The following C10orf143 variants were observed in gnomAD, a reference collection of about 807,000 sequenced individuals.
C10orf143 encodes uncharacterized protein C10orf143.
intron 3 of C10orf143, among the ~76,000 whole-genome samples, chr10:130,037,149 T>A (rs544479886): frequency 6.6e-6 from 1 of 152,080 alleles, no homozygotes; most frequent in African/African-American, 2.4e-5. Context: ...AAAGTCTGGG[T>A]GGGGACCAAG....
At chr10:130,040,828 AAG>A in intron 3 of C10orf143, among the ~76,000 whole-genome samples, 1 of 148,756 alleles carries the variant, frequency 6.7e-6, no homozygotes, top group Admixed American at 6.7e-5. Flanking sequence ...GTCTCAAAAA[AAG>A]AAAAAAAAAA....
intron 3 of C10orf143, among the ~76,000 whole-genome samples, chr10:130,038,150 G>A (rs1173084532): frequency 1.3e-5 from 2 of 152,088 alleles, no homozygotes; most frequent in African/African-American, 2.4e-5. Flanking sequence ...AGTAACATGC[G>A]GCGGCCTCTT....
In C10orf143 at chr10:130,107,211, A is replaced by G. The variant is rs549022714; in HGVS notation, c.69+3493T>C. 26 of 1,353,416 alleles carry G rather than the reference A, an allele frequency of 1.9e-5. No individual in the cohort carries two copies. The African/African-American group carries it at 3.4e-4, about 18-fold the overall frequency. 83.8% of individuals were successfully genotyped at this position (1,353,416 alleles called of 1,614,324 possible). A position where few individuals can be genotyped will look rare whatever the true frequency, so the allele number is the denominator to read the frequency against. ...AAAGTAATGACTGAATTATATCAAG[A>G]AAATGAAATGAAACTCTACAGGAAA... On this transcript the variant is annotated intron_variant, in intron 1 of 3. Transcript: ENST00000637128.
intron 3 of C10orf143, among the ~76,000 whole-genome samples, chr10:130,038,721 T>C (rs1307969557): frequency 6.6e-6 from 1 of 152,200 alleles, no homozygotes; most frequent in African/African-American, 2.4e-5. Flanking sequence ...CCTCCCTGGC[T>C]AATGAACCTG....
rs111456689 is a variant in C10orf143 at position 130,039,216 on chromosome 10, T to C, written c.298-3246A>G. On this transcript the variant is annotated intron_variant and NMD_transcript_variant, in intron 3 of 5. Transcript: ENST00000643056. ...CTCCAGGGAAAGAGAACCAACAGGA[T>C]ATACACAGATACATGGAGAATGATT... 4.1e-3 allele frequency among the ~76,000 whole-genome samples: 618 copies of C among 152,278 alleles called. 5 individuals are homozygous for C. The highest frequency in any genetic ancestry group is 0.014 in the African/African-American group (577 of 41,554).
chr10:130,100,939 C>T (rs566724006), intron 1 of C10orf143, among the ~76,000 whole-genome samples: 27 of 151,980 alleles, frequency 1.8e-4, no homozygotes, highest in Non-Finnish European at 3.5e-4. Context: ...TAGCTGAGGC[C>T]GGGCATGGTG....
At chr10:130,042,861 T>A (rs1016850946) in intron 3 of C10orf143, among the ~76,000 whole-genome samples, 10 of 152,220 alleles carry the variant, frequency 6.6e-5, no homozygotes, top group Admixed American at 2.0e-4. Context: ...AATATCAGAC[T>A]CTATTAAGGA....
chr10:130,047,576 G>A (rs1258219325), intron 3 of C10orf143, among the ~76,000 whole-genome samples: 4 of 152,090 alleles, frequency 2.6e-5, no homozygotes, highest in Admixed American at 1.3e-4. Context: ...AAGGCCCCCC[G>A]CACTCCAGGC....
At chr10:130,050,310 C>T (rs1399197926) in intron 3 of C10orf143, among the ~76,000 whole-genome samples, 2 of 152,370 alleles carry the variant, frequency 1.3e-5, no homozygotes, top group East Asian at 1.9e-4. Context: ...TGGCTCACGC[C>T]TGCAATCCCA....
intron 1 of C10orf143, among the ~76,000 whole-genome samples, chr10:130,093,918 G>A (rs1333395878): frequency 1.3e-5 from 2 of 151,630 alleles, no homozygotes; most frequent in Admixed American, 6.6e-5. Context: ...GCTGAGGCAG[G>A]AGAATGGCAT....
At chr10:130,090,844 A>T (rs1861369861) in intron 1 of C10orf143, among the ~76,000 whole-genome samples, 1 of 152,176 alleles carries the variant, frequency 6.6e-6, no homozygotes, top group African/African-American at 2.4e-5. Flanking sequence ...TGACAAAGCC[A>T]CTGTAGCCAG....
downstream of C10orf143, among the ~76,000 whole-genome samples, chr10:130,060,378 C>T (rs542223064): frequency 1.1e-4 from 17 of 152,178 alleles, no homozygotes; most frequent in Non-Finnish European, 2.4e-4. Flanking sequence ...TAGATAGATA[C>T]AACCTAAGCA....
At chr10:130,067,522 A>T (rs1188732704) in intron 3 of C10orf143, 1 of 152,162 alleles carries the variant, frequency 6.6e-6, no homozygotes, top group Non-Finnish European at 1.5e-5. Flanking sequence ...TGACAGGATG[A>T]CAGCAGCCCT....
At chr10:130,080,511 T>C (rs1204216676) in intron 1 of C10orf143, among the ~76,000 whole-genome samples, 1 of 152,204 alleles carries the variant, frequency 6.6e-6, no homozygotes, top group Non-Finnish European at 1.5e-5. Context: ...ACTTTGTGTA[T>C]TTTTAGGGTA....
intron 3 of C10orf143, among the ~76,000 whole-genome samples, chr10:130,039,373 G>T (rs751990544): frequency 6.6e-5 from 10 of 152,116 alleles, no homozygotes; most frequent in Non-Finnish European, 1.5e-4. Flanking sequence ...AGGGGAGTCC[G>T]CCACGTGAGT....
chr10:130,103,506 C>T (rs1035042924), intron 1 of C10orf143, among the ~76,000 whole-genome samples: 12 of 151,980 alleles, frequency 7.9e-5, no homozygotes, highest in Non-Finnish European at 4.4e-5. Context: ...TAAATAAATA[C>T]ATACACACTT....
At chr10:130,070,137 A>G (rs926877811) in intron 3 of C10orf143, among the ~76,000 whole-genome samples, 64 of 152,216 alleles carry the variant, frequency 4.2e-4, no homozygotes, top group African/African-American at 1.5e-3. Flanking sequence ...CTAATGTTAA[A>G]TCATCCATGT....
At chr10:130,092,904 C>T (rs1199139559) in intron 1 of C10orf143, among the ~76,000 whole-genome samples, 1 of 152,034 alleles carries the variant, frequency 6.6e-6, no homozygotes, top group Non-Finnish European at 1.5e-5. Context: ...AGAGGAGCAC[C>T]CAGATTCATA....
At chr10:130,057,610 G>A (rs1361951137) in intron 3 of C10orf143, among the ~76,000 whole-genome samples, 1 of 148,832 alleles carries the variant, frequency 6.7e-6, no homozygotes, top group Non-Finnish European at 1.5e-5. Flanking sequence ...GTCTGAGACA[G>A]CCTCTCCACG....
Sources: allele counts gnomAD v4.1 joint callset (sites outside exome capture counted in the v4.1 genomes callset), GRCh38; gene constraint gnomAD v4.1.1; transcripts MANE v1.5; gene names NCBI Gene and HGNC (gene_info 2026-07-23, HGNC 2026-07-21).